The following ABLIM2 variants were observed in gnomAD, a reference collection of about 807,000 sequenced individuals.
The protein encoded by ABLIM2 is actin-binding LIM protein 2.
ABLIM2 carries 53 observed loss-of-function variants against 97.7 expected under a neutral mutation model. The ratio of observed to expected loss-of-function variants is 0.54; its 90% CI spans 0.44 to 0.68. ABLIM2 has a LOEUF of 0.68. Among genes scored for constraint, ABLIM2 ranks in the 30% least tolerant of loss-of-function variants. The pLI is 0.00. For missense variants in ABLIM2, 835 were observed against 867.2 expected (o/e 0.96, Z 0.47); for synonymous variants, 361 against 345.8 (o/e 1.04, Z -0.49).
Position 8,069,792 on chromosome 4 carries a change from G to A in ABLIM2, c.675+7836C>T, listed in dbSNP as rs1284647349. 1.3e-5 allele frequency among the ~76,000 whole-genome samples: 2 copies of A among 151,950 alleles called. No individual in the cohort carries two copies. Among genetic ancestry groups the A allele is most frequent in the Admixed American group, 6.5e-5 (1 of 15,268 alleles). On this transcript the variant is annotated intron_variant, in intron 6 of 20. Transcript: ENST00000447017. This position sits in a 1 kb window ranked among gnomAD's most constrained non-coding sequence, Gnocchi z 4.2. The stretch of plus-strand genomic sequence containing the variant: ...CCATGCATGTTGTCTGTGTCTCTCC[G>A]TGTGCTTGTGTGTCTCTATGTGTTG...
intron 2 of ABLIM2, among the ~76,000 whole-genome samples, chr4:8,099,170 G>C (rs181791429): frequency 6.6e-6 from 1 of 152,310 alleles, no homozygotes; most frequent in Admixed American, 6.5e-5. Context: ...TGCTTTGTCC[G>C]ATCTTGCACC....
rs1848688065 is a variant in ABLIM2, at chr4:8,127,939, C to T, written c.11-21302G>A. Among the ~76,000 whole-genome samples the T allele has an allele frequency of 6.6e-6, 1 of 152,174 alleles. No individual in the cohort carries two copies. The highest frequency in any genetic ancestry group is 1.5e-5 in the Non-Finnish European group (1 of 68,032). Reference sequence around the variant, plus strand: ...ATAGTGAGCTCACAACCCCCACAGCCCCGCGTGCTGGGAGTGACAGCCTGC... The same window carrying T: ...ATAGTGAGCTCACAACCCCCACAGCTCCGCGTGCTGGGAGTGACAGCCTGC... On this transcript the variant is annotated intron_variant, in intron 1 of 20. Coordinates refer to ENST00000447017, the MANE Select transcript of ABLIM2 (RefSeq NM_001130083.2). This position sits in a 1 kb window ranked among gnomAD's most constrained non-coding sequence, Gnocchi z 7.3.
chr4:8,143,121 A>G (rs1254272687), intron 1 of ABLIM2, among the ~76,000 whole-genome samples: 1 of 130,046 alleles, frequency 7.7e-6, no homozygotes, highest in Non-Finnish European at 1.6e-5. Context: ...AAAGGGTGTC[A>G]GTGTCAACAG....
chr4:8,049,682 T>C (rs1374912520), intron 8 of ABLIM2, among the ~76,000 whole-genome samples: 1 of 152,212 alleles, frequency 6.6e-6, no homozygotes, highest in Non-Finnish European at 1.5e-5. Context: ...ACAGAGACAT[T>C]CCTTTCTACA....
Position 8,044,756 on chromosome 4 carries a change from C to G in ABLIM2, c.900+408G>C, listed in dbSNP as rs952030938. Among the ~76,000 whole-genome samples, 350 of 152,108 alleles carry G rather than the reference C, an allele frequency of 2.3e-3. No homozygotes were observed. Among genetic ancestry groups the G allele is most frequent in the Admixed American group, 3.7e-3 (57 of 15,274 alleles). On this transcript the variant is annotated intron_variant, in intron 9 of 20. Transcript: ENST00000447017. This position sits in a 1 kb window ranked among gnomAD's most constrained non-coding sequence, Gnocchi z 4.4. ...TAACTTGCTTCTTTTAGGGAACACG[C>G]TGGGAGAGCGTGCGTGTTGATGTAC...
rs560106217 is a variant in ABLIM2 at position 8,008,445 on chromosome 4, C to A, written c.1477-245G>T. On this transcript the variant is annotated intron_variant, in intron 15 of 20. Coordinates refer to ENST00000447017, the MANE Select transcript of ABLIM2 (RefSeq NM_001130083.2). Reference sequence around the variant, plus strand: ...GAGCTGCCCCATCTTACGGACACAGCCACTGAGGCTCTGGGAGGCCAGGGG... The same window carrying A: ...GAGCTGCCCCATCTTACGGACACAGACACTGAGGCTCTGGGAGGCCAGGGG... Among the ~76,000 whole-genome samples, 3 of 152,334 alleles carry A rather than the reference C, an allele frequency of 2.0e-5. No individual in the cohort carries two copies. The South Asian group carries it at 6.2e-4, about 32-fold the overall frequency.
Position 8,083,971 on chromosome 4 carries a change from G to C in ABLIM2, c.455-3169C>G, listed in dbSNP as rs1440216846. Among the ~76,000 whole-genome samples the C allele has an allele frequency of 6.6e-6, 1 of 152,116 alleles. No homozygotes were observed. The highest frequency in any genetic ancestry group is 1.5e-5 in the Non-Finnish European group (1 of 68,018). On this transcript the variant is annotated intron_variant, in intron 4 of 20. Coordinates refer to ENST00000447017, the MANE Select transcript of ABLIM2 (RefSeq NM_001130083.2). This position sits in a 1 kb window ranked among gnomAD's most constrained non-coding sequence, Gnocchi z 4.6. The stretch of plus-strand genomic sequence containing the variant: ...GCAGCCTCCTGGAGCCTCAGCTGGA[G>C]CTCAGGGGGTGCAGGTGCAGGAGCC...
At position 8,097,184 on chromosome 4, in the gene ABLIM2, T is replaced by G; in HGVS notation, c.253A>C (p.Ser85Arg). ...YQRLYGTRCF[S>R]CDQFIEGEVV... ...TCACCCTCAATGAACTGGTCGCAGC[T>G]GAAGCAGCGGGTGCCGTAGAGCCTC... is the stretch of plus-strand genomic sequence containing the variant. Residue 85 changes from serine to arginine, a missense_variant, in exon 3 of 21, where the codon AGC becomes CGC. Physicochemically the swap from Ser to Arg is moderately radical, Grantham distance 110. Coordinates refer to ENST00000447017, the MANE Select transcript of ABLIM2 (RefSeq NM_001130083.2). 1 of 1,603,556 alleles carries G rather than the reference T, an allele frequency of 6.2e-7. No homozygotes were observed. The highest frequency in any genetic ancestry group is 8.5e-7 in the Non-Finnish European group (1 of 1,175,446).
chr4:8,051,552 G>C (rs1579862094), intron 8 of ABLIM2, among the ~76,000 whole-genome samples: 1 of 107,932 alleles, frequency 9.3e-6, no homozygotes, highest in East Asian at 2.6e-4. Flanking sequence ...GACAGAGCGA[G>C]ATTCCATCTC....
intron 8 of ABLIM2, among the ~76,000 whole-genome samples, chr4:8,048,572 C>G (rs2151849597): frequency 6.6e-6 from 1 of 152,338 alleles, no homozygotes; most frequent in East Asian, 1.9e-4. Context: ...CCAAGCCTCG[C>G]TCTACCGCCC....
intron 1 of ABLIM2, among the ~76,000 whole-genome samples, chr4:8,146,557 G>T (rs1249360333): frequency 6.6e-6 from 1 of 151,802 alleles, no homozygotes; most frequent in Non-Finnish European, 1.5e-5. Flanking sequence ...ATATATTTTT[G>T]GAGACAGGGT....
intron 16 of ABLIM2, chr4:7,994,081 T>TCAAAAGACCTGTCCTGGG: frequency 3.1e-5 from 1 of 32,410 alleles, no homozygotes; most frequent in Non-Finnish European, 5.5e-5. Context: ...GGAAGCATTC[T>TCAAAAGACCTGTCCTGGG]TTTTTTTTTT....
intron 3 of ABLIM2, among the ~76,000 whole-genome samples, chr4:8,092,993 C>G (rs28588877): frequency 6.6e-6 from 1 of 152,180 alleles, no homozygotes; most frequent in Non-Finnish European, 1.5e-5. Context: ...GGATTACAGG[C>G]GCCCACCACC....
At chr4:8,051,998 C>G (rs1317679760) in intron 8 of ABLIM2, among the ~76,000 whole-genome samples, 2 of 152,080 alleles carry the variant, frequency 1.3e-5, no homozygotes, top group Admixed American at 6.6e-5. Context: ...GGCTTTGGAG[C>G]CCCCCCTCCC....
Position 8,091,811 on chromosome 4 carries a change from A to AT in ABLIM2, c.339-3528dup, listed in dbSNP as rs1218789539. On this transcript the variant is annotated intron_variant, in intron 3 of 20. Coordinates refer to ENST00000447017, the MANE Select transcript of ABLIM2 (RefSeq NM_001130083.2). ...TAATTATAGAATTAATATATTATAT[A>AT]TTATATAATATATTATATAAATAAT... Among the ~76,000 whole-genome samples, 20 of 86,064 alleles carry AT rather than the reference A, an allele frequency of 2.3e-4. No individual in the cohort carries two copies. In the East Asian group the frequency reaches 5.4e-3, roughly 23 times the overall value. The allele number at this position is 86,064 out of a possible 152,430, so 56.5% of individuals were successfully genotyped here.
rs543769836 is a variant in ABLIM2, at chr4:7,998,881, T to C, written c.1619-5954A>G. Among the ~76,000 whole-genome samples the C allele has an allele frequency of 7.9e-5, 12 of 152,252 alleles. No homozygotes were observed. In the South Asian group the frequency reaches 2.5e-3, roughly 32 times the overall value. ...GTCCTGTGACCAACCGTCTGCCGTATCATTTGCAGGTCCGTTTAGCTGTAT... is the reference window on the plus strand; with the variant it reads ...GTCCTGTGACCAACCGTCTGCCGTACCATTTGCAGGTCCGTTTAGCTGTAT... On this transcript the variant is annotated intron_variant, in intron 16 of 20. Transcript: ENST00000447017. This position sits in a 1 kb window ranked among gnomAD's most constrained non-coding sequence, Gnocchi z 6.4.
At chr4:7,991,771 G>T (rs940683406) in intron 17 of ABLIM2, among the ~76,000 whole-genome samples, 2 of 152,108 alleles carry the variant, frequency 1.3e-5, no homozygotes, top group Admixed American at 6.6e-5. Flanking sequence ...GATCCGGGGA[G>T]GCTGGGCCTT....
At position 8,087,085 on chromosome 4, in the gene ABLIM2, A is replaced by C. The variant is rs1039162567; in HGVS notation, c.454+1084T>G. ...AACGCAGCAGACAAGGTGGGGGAGA[A>C]AGGAGGCATTTGACACAGGAGAGGA... On this transcript the variant is annotated intron_variant, in intron 4 of 20. Transcript: ENST00000447017. This position sits in a 1 kb window ranked among gnomAD's most constrained non-coding sequence, Gnocchi z 4.6. Among the ~76,000 whole-genome samples the C allele has an allele frequency of 2.0e-5, 3 of 152,168 alleles. No homozygotes were observed. Among genetic ancestry groups the C allele is most frequent in the Admixed American group, 6.5e-5 (1 of 15,280 alleles).
chr4:7,997,521 C>A (rs943555901), intron 16 of ABLIM2, among the ~76,000 whole-genome samples: 4 of 152,116 alleles, frequency 2.6e-5, no homozygotes, highest in Non-Finnish European at 5.9e-5. Context: ...AATTTCTGCT[C>A]TGTCTTCAAG....
Sources: allele counts gnomAD v4.1 joint callset (sites outside exome capture counted in the v4.1 genomes callset), GRCh38; gene constraint gnomAD v4.1.1; non-coding constraint Gnocchi (gnomAD v3.1); transcripts MANE v1.5; gene names NCBI Gene and HGNC (gene_info 2026-07-23, HGNC 2026-07-21).